Variants in PRMT8 observed in about 807,000 individuals in gnomAD.
The protein encoded by PRMT8 is protein arginine methyltransferase 8.
PRMT8 carries 7 observed loss-of-function variants against 47.1 expected under a neutral mutation model. The ratio of observed to expected loss-of-function variants is 0.15; its 90% confidence interval spans 0.08 to 0.28. The LOEUF is 0.28. Ranked by LOEUF, PRMT8 falls within the 10% of genes least tolerant of loss-of-function variation. The pLI is 1.00. For missense variants in PRMT8, 237 were observed against 505.4 expected (o/e 0.47, Z 5.09); for synonymous variants, 188 against 186.5 (o/e 1.01, Z -0.07).
At chr12:3,471,069 G>C (rs1444771758) in intron 1 of PRMT8, among the ~76,000 whole-genome samples, 1 of 152,156 alleles carries the variant, frequency 6.6e-6, no homozygotes, top group African/African-American at 2.4e-5. Flanking sequence ...GCAGCGCTCA[G>C]AGAAGCAGAA....
chr12:3,453,457 T>C lies in PRMT8; in HGVS notation c.48+72015T>C, dbSNP rs997796848. On this transcript the variant is annotated intron_variant, in intron 1 of 9. Transcript: ENST00000452611. This position sits in a 1 kb window ranked among gnomAD's most constrained non-coding sequence, Gnocchi z 4.9. ...GCCAGCCCTGCCAAGTCTGAGTGAG[T>C]CCCCTGGAGGCTACTGCTGCTGGGA... Among the ~76,000 whole-genome samples the C allele has an allele frequency of 6.6e-6, 1 of 151,828 alleles. No individual in the cohort carries two copies. Among genetic ancestry groups the C allele is most frequent in the African/African-American group, 2.4e-5 (1 of 41,310 alleles).
chr12:3,404,025 C>CAA (rs1175752399), intron 1 of PRMT8, among the ~76,000 whole-genome samples: 1 of 150,980 alleles, frequency 6.6e-6, no homozygotes, highest in Non-Finnish European at 1.5e-5. Flanking sequence ...GGAAATCAAA[C>CAA]AAACATCCAT....
At chr12:3,388,198 G>T (rs931291285) in intron 1 of PRMT8, among the ~76,000 whole-genome samples, 1 of 151,904 alleles carries the variant, frequency 6.6e-6, no homozygotes, top group Non-Finnish European at 1.5e-5. Context: ...CCTCAACCCC[G>T]TTTCATGACA....
intron 1 of PRMT8, among the ~76,000 whole-genome samples, chr12:3,439,459 G>A (rs867676167): frequency 5.3e-5 from 8 of 152,074 alleles, no homozygotes; most frequent in South Asian, 2.1e-4. Flanking sequence ...TTCTGTAACC[G>A]TTAAAAACAA....
At chr12:3,463,307 G>T (rs1759841613) in intron 1 of PRMT8, 1 of 152,176 alleles carries the variant, frequency 6.6e-6, no homozygotes, top group Admixed American at 6.5e-5. Flanking sequence ...TGGTTGATGG[G>T]GGAAAGTATA....
intron 4 of PRMT8, among the ~76,000 whole-genome samples, chr12:3,568,297 CAG>C (rs1866765928): frequency 6.6e-6 from 1 of 151,556 alleles, no homozygotes; most frequent in Non-Finnish European, 1.5e-5. Context: ...CTTGCTGTCT[CAG>C]GGGTGGCTGG....
chr12:3,443,378 G>A (rs1199030448), intron 1 of PRMT8, among the ~76,000 whole-genome samples: 2 of 152,056 alleles, frequency 1.3e-5, no homozygotes, highest in African/African-American at 4.8e-5. Flanking sequence ...CCCTCCACCC[G>A]ATTAATGGCC....
chr12:3,539,139 G>A (rs1210685197), intron 1 of PRMT8, among the ~76,000 whole-genome samples: 5 of 152,172 alleles, frequency 3.3e-5, no homozygotes, highest in Non-Finnish European at 5.9e-5. Context: ...CAAGAAAATC[G>A]AGACATAGAA....
intron 1 of PRMT8, among the ~76,000 whole-genome samples, chr12:3,458,239 TATG>T (rs1197656588): frequency 2.0e-5 from 3 of 152,158 alleles, no homozygotes; most frequent in African/African-American, 7.2e-5. Flanking sequence ...GGTTAGAAAA[TATG>T]ATGGTCACAT....
At position 3,508,608 on chromosome 12, in the gene PRMT8, G is replaced by A. The variant is rs1865667169; in HGVS notation, c.75+16908G>A. Among the ~76,000 whole-genome samples the A allele has an allele frequency of 6.6e-6, 1 of 152,198 alleles. No homozygotes were observed. The highest frequency in any genetic ancestry group is 2.4e-5 in the African/African-American group (1 of 41,450). On this transcript the variant is annotated intron_variant, in intron 1 of 9. Transcript: ENST00000382622. This position sits in a 1 kb window ranked among gnomAD's most constrained non-coding sequence, Gnocchi z 4.9. ...GCAGCTGATGTGCTTCGTTGATTCT[G>A]TGAGTTGTGGTGCTGTGGGCTTGTT...
chr12:3,455,703 C>T (rs895230915), intron 1 of PRMT8, among the ~76,000 whole-genome samples: 1 of 152,160 alleles, frequency 6.6e-6, no homozygotes, highest in Non-Finnish European at 1.5e-5. Flanking sequence ...TGGGGTTGAG[C>T]CTGCTACATT....
chr12:3,392,269 G>A (rs563344588), intron 1 of PRMT8, among the ~76,000 whole-genome samples: 2 of 151,682 alleles, frequency 1.3e-5, no homozygotes, highest in East Asian at 3.9e-4. Flanking sequence ...GTGCAGGTTA[G>A]TTACATATGT....
Position 3,551,150 on chromosome 12 carries a change from G to A in PRMT8, c.417+1059G>A, listed in dbSNP as rs1379534155. The A allele has an allele frequency of 3.4e-5, 5 of 149,074 alleles. No individual in the cohort carries two copies. In the Admixed American group the frequency reaches 3.4e-4, roughly 10 times the overall value. 9.2% of individuals were successfully genotyped at this position (149,074 alleles called of 1,614,324 possible). ...TCCTGGCCACCTGCTGCCTCCAGAGGTCTGCTCCTAAGTCACCCAGCAGGG... is the reference window on the plus strand; with the variant it reads ...TCCTGGCCACCTGCTGCCTCCAGAGATCTGCTCCTAAGTCACCCAGCAGGG... On this transcript the variant is annotated intron_variant, in intron 3 of 9. Transcript: ENST00000382622.
At position 3,572,588 on chromosome 12, in the gene PRMT8, G is replaced by C. The variant is rs1866867020; in HGVS notation, c.712+3024G>C. ...TGGATGGCTCAGCTGCTGTCTGTGGGCTTCACTTCCACTCATGACATCCAG... is the reference window on the plus strand; with the variant it reads ...TGGATGGCTCAGCTGCTGTCTGTGGCCTTCACTTCCACTCATGACATCCAG... On this transcript the variant is annotated intron_variant, in intron 6 of 9. Transcript: ENST00000382622. The surrounding 1 kb of genome is among the most constrained non-coding windows in gnomAD (Gnocchi z 5.9). Among the ~76,000 whole-genome samples, 1 of 152,174 alleles carries C rather than the reference G, an allele frequency of 6.6e-6. No individual in the cohort carries two copies. The highest frequency in any genetic ancestry group is 2.4e-5 in the African/African-American group (1 of 41,428).
chr12:3,383,084 A>G (rs575131418), intron 1 of PRMT8, among the ~76,000 whole-genome samples: 1 of 152,320 alleles, frequency 6.6e-6, no homozygotes, highest in East Asian at 1.9e-4. Flanking sequence ...TCCTTCCACC[A>G]GTACCATCTA....
chr12:3,581,772 T>C (rs1172538192), intron 7 of PRMT8, among the ~76,000 whole-genome samples: 2 of 152,202 alleles, frequency 1.3e-5, no homozygotes, highest in Non-Finnish European at 2.9e-5. Context: ...ATGTCATGGC[T>C]ACACACCCCA....
chr12:3,569,596 C>CCACT lies in PRMT8; in HGVS notation c.712+33_712+36dup. ...CCCCTCTTGCTTCTCCGGTGGACTTCCACTGCACAATTGGGGTGGGAGGCA... is the reference window on the plus strand; with the variant it reads ...CCCCTCTTGCTTCTCCGGTGGACTTCCACTCACTGCACAATTGGGGTGGGAGGCA... On this transcript the variant is annotated intron_variant, in intron 6 of 9. Transcript: ENST00000382622. This position sits in a 1 kb window ranked among gnomAD's most constrained non-coding sequence, Gnocchi z 8.2. 6.3e-7 allele frequency: 1 copy of CCACT among 1,578,124 alleles called. No individual in the cohort carries two copies. Among genetic ancestry groups the CCACT allele is most frequent in the East Asian group, 2.2e-5 (1 of 44,688 alleles).
At chr12:3,554,032 T>C (rs1342601899) in intron 4 of PRMT8, among the ~76,000 whole-genome samples, 1 of 152,120 alleles carries the variant, frequency 6.6e-6, no homozygotes, top group Non-Finnish European at 1.5e-5. Flanking sequence ...ACATTCCTCC[T>C]CCTCCTCCTC....
rs1009167159 is a variant in PRMT8, at chr12:3,436,019, G to A, written c.48+54577G>A. 2.0e-5 allele frequency among the ~76,000 whole-genome samples: 3 copies of A among 152,154 alleles called. No individual in the cohort carries two copies. The highest frequency in any genetic ancestry group is 3.9e-4 in the East Asian group (2 of 5,194). On this transcript the variant is annotated intron_variant, in intron 1 of 9. Transcript: ENST00000452611. This position sits in a 1 kb window ranked among gnomAD's most constrained non-coding sequence, Gnocchi z 4.2. ...CCTCCTCAGGAGGGGTGATTTTAGC[G>A]GGCAAGGGGAGATGGTATGTGTTCA...
Sources: allele counts gnomAD v4.1 joint callset (sites outside exome capture counted in the v4.1 genomes callset), GRCh38; gene constraint gnomAD v4.1.1; non-coding constraint Gnocchi (gnomAD v3.1); transcripts MANE v1.5; gene names NCBI Gene and HGNC (gene_info 2026-07-23, HGNC 2026-07-21).